LINGO2: variants seen among roughly 807,000 people sequenced by gnomAD.
LINGO2 encodes the protein leucine rich repeat and Ig domain containing 2.
A neutral mutation model predicts 30.6 loss-of-function variants in LINGO2; 14 were observed. That is an observed-to-expected ratio of 0.46 (90% CI 0.30 to 0.72). LINGO2 has a LOEUF of 0.72. Among genes scored for constraint, LINGO2 ranks in the 30% least tolerant of loss-of-function variants. The pLI is 0.07. For missense variants in LINGO2, 729 were observed against 751.7 expected, an observed-to-expected ratio of 0.97 and a Z score of 0.35; for synonymous variants, 317 against 288.5, an observed-to-expected ratio of 1.10 and a Z score of -1.00.
At chr9:28,062,249 C>T (rs1346752148) in intron 4 of LINGO2, among the ~76,000 whole-genome samples, 1 of 151,958 alleles carries the variant, frequency 6.6e-6, no homozygotes, top group Non-Finnish European at 1.5e-5. Context: ...TTGGTGACTA[C>T]CTTCTTTTTG....
chr9:28,297,308 A>G (rs1393994384), intron 3 of LINGO2, among the ~76,000 whole-genome samples: 1 of 152,096 alleles, frequency 6.6e-6, no homozygotes, highest in African/African-American at 2.4e-5. Flanking sequence ...AGTTTTGTGT[A>G]TTTTCTTTTC....
chr9:28,993,778 C>T, the LINGO2 span, among the ~76,000 whole-genome samples: 1 of 151,808 alleles, frequency 6.6e-6, no homozygotes, highest in Non-Finnish European at 1.5e-5. Flanking sequence ...CATGATTTAT[C>T]TCAATAGATG....
chr9:28,585,958 A>G (rs1423318074), intron 1 of LINGO2, among the ~76,000 whole-genome samples: 1 of 151,784 alleles, frequency 6.6e-6, no homozygotes, highest in African/African-American at 2.4e-5. Flanking sequence ...TGAAGCTTCA[A>G]GTTTCTGGGT....
At chr9:28,244,624 A>G (rs1821930976) in intron 4 of LINGO2, among the ~76,000 whole-genome samples, 1 of 152,188 alleles carries the variant, frequency 6.6e-6, no homozygotes. Context: ...AGGGGATATC[A>G]TCACTGACCT....
At chr9:28,707,323 A>C in the LINGO2 span, among the ~76,000 whole-genome samples, 1 of 152,110 alleles carries the variant, frequency 6.6e-6, no homozygotes, top group East Asian at 1.9e-4. Context: ...ACCTAAAGTC[A>C]GGTCTCACAA....
chr9:28,786,632 T>C, the LINGO2 span, among the ~76,000 whole-genome samples: 4 of 152,126 alleles, frequency 2.6e-5, no homozygotes, highest in African/African-American at 9.7e-5. Context: ...TCTTCCTCCC[T>C]TTTTTATAGT....
the LINGO2 span, among the ~76,000 whole-genome samples, chr9:28,682,310 T>C: frequency 6.6e-6 from 1 of 152,216 alleles, no homozygotes; most frequent in South Asian, 2.1e-4. Context: ...TGGTCTTTCC[T>C]GAACCTGTTC....
In LINGO2 at chr9:28,039,506, G is replaced by GGT. The variant is rs144564189; in HGVS notation, c.-86-27103_-86-27102dup. Among the ~76,000 whole-genome samples the GGT allele has an allele frequency of 7.9e-4, 120 of 151,766 alleles. No homozygotes were observed. In the South Asian group the frequency reaches 0.013, roughly 16 times the overall value. On this transcript the variant is annotated intron_variant, in intron 4 of 5. Transcript: ENST00000379992. ...GTTGCCTTGAAGGATGAGTGTAACA[G>GGT]GTGTGTGTGTGTGTATGTAAAAAGA...
chr9:28,359,106 A>G (rs1469386040), intron 3 of LINGO2, among the ~76,000 whole-genome samples: 1 of 152,130 alleles, frequency 6.6e-6, no homozygotes, highest in African/African-American at 2.4e-5. Flanking sequence ...CCAAACTTCT[A>G]CTTACAAAAG....
chr9:28,307,888 T>G (rs959568436), intron 3 of LINGO2, among the ~76,000 whole-genome samples: 1 of 152,114 alleles, frequency 6.6e-6, no homozygotes, highest in South Asian at 2.1e-4. Context: ...GTGAAGGACC[T>G]CTTCAAGGAG....
intron 3 of LINGO2, among the ~76,000 whole-genome samples, chr9:28,331,349 T>A (rs1463426212): frequency 6.6e-6 from 1 of 152,102 alleles, no homozygotes; most frequent in African/African-American, 2.4e-5. Context: ...CCTTAATTAA[T>A]CAAGTAGAGT....
chr9:28,105,238 G>A (rs1183160426), intron 4 of LINGO2, among the ~76,000 whole-genome samples: 1 of 152,136 alleles, frequency 6.6e-6, no homozygotes, highest in Non-Finnish European at 1.5e-5. Flanking sequence ...CTGATGAGAA[G>A]TCACGTTATT....
the LINGO2 span, among the ~76,000 whole-genome samples, chr9:28,773,130 C>G: frequency 3.6e-3 from 542 of 152,224 alleles, 5 homozygotes; most frequent in African/African-American, 0.012. Context: ...CTCTGGGAGG[C>G]TGAGACGGGT....
intron 1 of LINGO2, among the ~76,000 whole-genome samples, chr9:28,636,537 C>G (rs926282541): frequency 3.9e-5 from 6 of 152,144 alleles, no homozygotes; most frequent in Admixed American, 3.9e-4. Flanking sequence ...GAGATGGTAT[C>G]TCATTGTGGT....
chr9:28,920,703 G>T, the LINGO2 span, among the ~76,000 whole-genome samples: 1 of 151,118 alleles, frequency 6.6e-6, no homozygotes, highest in Non-Finnish European at 1.5e-5. Flanking sequence ...TGTCAGAGCC[G>T]GTGGCCTTTG....
intron 5 of LINGO2, among the ~76,000 whole-genome samples, chr9:27,988,659 G>C (rs1438913233): frequency 6.6e-6 from 1 of 151,916 alleles, no homozygotes; most frequent in Non-Finnish European, 1.5e-5. Context: ...AGTAGTGTCT[G>C]TTCATATCCT....
chr9:28,765,158 T>C, the LINGO2 span, among the ~76,000 whole-genome samples: 1 of 151,890 alleles, frequency 6.6e-6, no homozygotes, highest in South Asian at 2.1e-4. Flanking sequence ...AAAATGCATA[T>C]AGAATCACAA....
intron 3 of LINGO2, among the ~76,000 whole-genome samples, chr9:28,337,615 C>G (rs999436746): frequency 1.3e-5 from 2 of 152,152 alleles, no homozygotes; most frequent in Non-Finnish European, 2.9e-5. Flanking sequence ...GGTCTAGATA[C>G]CCATTGCTCT....
At chr9:28,347,568 T>G (rs953366239) in intron 3 of LINGO2, among the ~76,000 whole-genome samples, 8 of 152,180 alleles carry the variant, frequency 5.3e-5, no homozygotes, top group Admixed American at 4.6e-4. Flanking sequence ...AGATATCAAT[T>G]TATTCATTGA....
Sources: allele counts gnomAD v4.1 joint callset (sites outside exome capture counted in the v4.1 genomes callset), GRCh38; gene constraint gnomAD v4.1.1; transcripts MANE v1.5; gene names NCBI Gene and HGNC (gene_info 2026-07-23, HGNC 2026-07-21).